The following HTR4 variants were observed in gnomAD, a reference collection of about 807,000 sequenced individuals.
The protein encoded by HTR4 is 5-hydroxytryptamine receptor 4, also known as 5-hydroxytryptamine (serotonin) receptor 4, G protein-coupled.
HTR4 carries 16 observed loss-of-function variants against 36.8 expected under a neutral mutation model. That is an observed-to-expected ratio of 0.43 (90% CI 0.29 to 0.66). The LOEUF is 0.66. Ranked by LOEUF, HTR4 falls within the 30% of genes least tolerant of loss-of-function variation. The pLI, the probability that HTR4 is intolerant of heterozygous loss-of-function variation, is 0.13. For missense variants in HTR4, 438 were observed against 490.9 expected (o/e 0.89, Z 1.02); for synonymous variants, 189 against 185.1 (o/e 1.02, Z -0.17).
chr5:148,478,276 CAA>C (rs1416096350), downstream of HTR4, among the ~76,000 whole-genome samples: 1 of 152,094 alleles, frequency 6.6e-6, no homozygotes, highest in East Asian at 1.9e-4. Context: ...AGAGATGCTC[CAA>C]CATGGAACTA....
intron 1 of HTR4, among the ~76,000 whole-genome samples, chr5:148,648,248 A>G (rs953137606): frequency 6.6e-6 from 1 of 152,198 alleles, no homozygotes; most frequent in African/African-American, 2.4e-5. Context: ...AGCAATGCTC[A>G]TGGAAGGTGC....
intron 5 of HTR4, among the ~76,000 whole-genome samples, chr5:148,462,246 T>C (rs1755295006): frequency 6.6e-6 from 1 of 151,594 alleles, no homozygotes; most frequent in South Asian, 2.1e-4. Context: ...TTGAAAACAA[T>C]AAAATTGATA....
intron 6 of HTR4, among the ~76,000 whole-genome samples, chr5:148,506,141 C>T (rs769785875): frequency 6.6e-6 from 1 of 152,032 alleles, no homozygotes; most frequent in Non-Finnish European, 1.5e-5. Context: ...AGGCTACAGT[C>T]AGCAAAACAG....
chr5:148,487,566 C>A (rs1251742844), intron 6 of HTR4, among the ~76,000 whole-genome samples: 1 of 152,116 alleles, frequency 6.6e-6, no homozygotes, highest in Non-Finnish European at 1.5e-5. Context: ...GGTAGGAGGG[C>A]AGGAGTGAGC....
Position 148,627,397 on chromosome 5 carries a change from TC to T in HTR4, c.26+9591del, listed in dbSNP as rs1753156532. On this transcript the variant is annotated intron_variant, in intron 2 of 6. Coordinates refer to ENST00000377888, the MANE Select transcript of HTR4 (RefSeq NM_000870.7). ...TGTATCCATTTCCACATACGCTTTT[TC>T]TGGCATTCATCTTTTGAGGATTTGA... Among the ~76,000 whole-genome samples the T allele has an allele frequency of 3.3e-5, 5 of 152,248 alleles. No homozygotes were observed. In the South Asian group the frequency reaches 1.0e-3, roughly 31 times the overall value.
intron 4 of HTR4, 25 bp downstream of exon 4, chr5:148,548,643 G>A (rs766582937): frequency 1.1e-5 from 17 of 1,557,312 alleles, no homozygotes; most frequent in East Asian, 2.4e-5. Flanking sequence ...ATGGAGCTCC[G>A]CTATGCACAT....
chr5:148,633,300 A>G (rs1581572259), intron 2 of HTR4, among the ~76,000 whole-genome samples: 1 of 152,164 alleles, frequency 6.6e-6, no homozygotes, highest in East Asian at 1.9e-4. Flanking sequence ...TGCTAAAATC[A>G]AGACCTAGTA....
chr5:148,568,075 C>G (rs891719840), intron 2 of HTR4, among the ~76,000 whole-genome samples: 3 of 152,130 alleles, frequency 2.0e-5, no homozygotes, highest in Non-Finnish European at 4.4e-5. Context: ...ATCCAAAGTC[C>G]TGCCTTCAGA....
intron 5 of HTR4, among the ~76,000 whole-genome samples, chr5:148,517,438 C>T (rs1757809421): frequency 6.6e-6 from 1 of 152,032 alleles, no homozygotes; most frequent in Non-Finnish European, 1.5e-5. Flanking sequence ...CCTTACTGGA[C>T]ATCTCCAATT....
At chr5:148,603,126 C>T (rs1762053846) in intron 2 of HTR4, among the ~76,000 whole-genome samples, 1 of 151,970 alleles carries the variant, frequency 6.6e-6, no homozygotes, top group Non-Finnish European at 1.5e-5. Flanking sequence ...TAAATATATG[C>T]ATATTTATCT....
intron 6 of HTR4, among the ~76,000 whole-genome samples, chr5:148,503,610 T>A (rs1276852451): frequency 2.0e-5 from 3 of 152,148 alleles, no homozygotes; most frequent in African/African-American, 7.2e-5. Context: ...CCAGCTAACA[T>A]CATAATGACA....
intron 2 of HTR4, among the ~76,000 whole-genome samples, chr5:148,571,214 T>C (rs1292210890): frequency 6.6e-6 from 1 of 152,120 alleles, no homozygotes. Flanking sequence ...GAATCTTGCA[T>C]GGTAATTTCC....
chr5:148,558,585 C>T (rs901282915), intron 2 of HTR4, among the ~76,000 whole-genome samples: 2 of 152,276 alleles, frequency 1.3e-5, no homozygotes, highest in African/African-American at 2.4e-5. Flanking sequence ...TCTGTAGGAT[C>T]GAACAGCCTA....
At chr5:148,464,032 T>C (rs1360355551) in intron 5 of HTR4, among the ~76,000 whole-genome samples, 5 of 85,186 alleles carry the variant, frequency 5.9e-5, no homozygotes, top group Non-Finnish European at 8.7e-5. Flanking sequence ...GACATTGACA[T>C]GCAAAAAAAA....
At chr5:148,451,434 C>T (rs1561555670) in intron 5 of HTR4, among the ~76,000 whole-genome samples, 1 of 151,988 alleles carries the variant, frequency 6.6e-6, no homozygotes, top group African/African-American at 2.4e-5. Context: ...AGATAGAAAA[C>T]CAAATGAACT....
chr5:148,547,835 A>C (rs182152997), intron 4 of HTR4, among the ~76,000 whole-genome samples: 148 of 152,284 alleles, frequency 9.7e-4, no homozygotes, highest in Admixed American at 9.0e-3. Context: ...GTAAGAAATC[A>C]TTGTCCCTGG....
intron 5 of HTR4, among the ~76,000 whole-genome samples, chr5:148,460,011 C>T (rs1755230328): frequency 6.6e-6 from 1 of 151,942 alleles, no homozygotes; most frequent in Non-Finnish European, 1.5e-5. Flanking sequence ...ATGAAGACTG[C>T]CTTTGATGGA....
intron 5 of HTR4, among the ~76,000 whole-genome samples, chr5:148,454,465 G>C (rs909355213): frequency 3.3e-5 from 5 of 152,104 alleles, no homozygotes; most frequent in Non-Finnish European, 5.9e-5. Context: ...TGAATGAAGA[G>C]TATGTAATGA....
intron 2 of HTR4, among the ~76,000 whole-genome samples, chr5:148,564,064 G>A (rs1760330769): frequency 6.6e-6 from 1 of 152,150 alleles, no homozygotes; most frequent in African/African-American, 2.4e-5. Context: ...TCTCCCTCTT[G>A]TTCAAAATCT....
Sources: gnomAD v4.1 joint callset for allele counts (sites outside exome capture counted in the v4.1 genomes callset) on GRCh38, gnomAD v4.1.1 for gene constraint, MANE v1.5 for transcripts, NCBI Gene and HGNC (gene_info 2026-07-23, HGNC 2026-07-21) for gene names.